The following OGFOD3 variants were observed in gnomAD, a reference collection of about 807,000 sequenced individuals.
The protein encoded by OGFOD3 is 2-oxoglutarate and iron-dependent oxygenase domain-containing protein 3.
OGFOD3 carries 35 observed loss-of-function variants against 39.8 expected under a neutral mutation model. The observed-to-expected ratio is 0.88, with a 90% CI of 0.67 to 1.17. The LOEUF is 1.17. OGFOD3 is among the 50% of genes most tolerant of loss of function. The pLI, the probability that OGFOD3 is intolerant of heterozygous loss-of-function variation, is 0.00. For synonymous variants in OGFOD3, 200 were observed against 192.0 expected, an observed-to-expected ratio of 1.04 and a Z score of -0.34; for missense variants, 438 against 454.5, an observed-to-expected ratio of 0.96 and a Z score of 0.33.
chr17:82,409,391 A>G lies in OGFOD3; in HGVS notation c.400T>C (p.Ser134Pro), dbSNP rs777774451. The change falls in exon 4 of 9, where the codon TCC becomes CCC. Residue 134 changes from serine to proline, a missense_variant. Physicochemically the swap from Ser to Pro is moderately conservative, Grantham distance 74. Transcript: ENST00000313056. ...ACCCCTCCGTCAGATCCTCCCAGGG[A>G]GAGCCCCTTTTCAGCTACGCTGCAG... ...RIRSVAEKGL[S>P]LGGSDGGASI... 6.2e-7 allele frequency: 1 copy of G among 1,614,124 alleles called. No individual in the cohort carries two copies. Among genetic ancestry groups the G allele is most frequent in the South Asian group, 1.1e-5 (1 of 91,080 alleles).
At position 82,418,391 on chromosome 17, in the gene OGFOD3, C is replaced by A. The variant is rs761598896; in HGVS notation, c.74+21G>T. 3.4e-5 allele frequency: 50 copies of A among 1,468,084 alleles called. No homozygotes were observed. In the South Asian group the frequency reaches 6.0e-4, roughly 17 times the overall value. 90.9% of individuals were successfully genotyped at this position (1,468,084 alleles called of 1,614,324 possible). On this transcript the variant is annotated intron_variant, in intron 1 of 8. Coordinates refer to ENST00000313056, the MANE Select transcript of OGFOD3 (RefSeq NM_024648.3). ...CCCTGTCCGCCGCCGCAGCGCGCGC[C>A]CTTCCCCTCCTCACCGCTACCTGCT...
chr17:82,405,904 C>T (rs545489930), intron 5 of OGFOD3, among the ~76,000 whole-genome samples: 30 of 152,036 alleles, frequency 2.0e-4, no homozygotes, highest in Admixed American at 3.9e-4. Context: ...GTCGAAATTG[C>T]GCCACTGCAC....
At chr17:82,408,434 G>C (rs1162734488) in intron 4 of OGFOD3, among the ~76,000 whole-genome samples, 1 of 152,224 alleles carries the variant, frequency 6.6e-6, no homozygotes, top group Non-Finnish European at 1.5e-5. Context: ...AGCTGCACCA[G>C]ACTGACTCCC....
At chr17:82,411,267 G>A (rs1044203088) in intron 3 of OGFOD3, among the ~76,000 whole-genome samples, 188 bp downstream of exon 3, 4 of 152,002 alleles carry the variant, frequency 2.6e-5, no homozygotes, top group East Asian at 1.9e-4. Context: ...GGCTGGTCTC[G>A]AACTCCTGAA....
intron 7 of OGFOD3, chr17:82,400,634 G>A (rs1255173860): frequency 2.6e-5 from 4 of 151,934 alleles, no homozygotes; most frequent in Non-Finnish European, 4.4e-5. Flanking sequence ...TTACTGGTTC[G>A]CCTTTATTTA....
intron 2 of OGFOD3, among the ~76,000 whole-genome samples, chr17:82,411,980 A>G (rs907685719): frequency 4.0e-5 from 6 of 149,398 alleles, no homozygotes; most frequent in East Asian, 2.0e-4. Context: ...CAGAGGGGGG[A>G]ACCCTCCTGA....
At chr17:82,407,269 A>G (rs952789656) in intron 4 of OGFOD3, among the ~76,000 whole-genome samples, 4 of 152,044 alleles carry the variant, frequency 2.6e-5, no homozygotes, top group Non-Finnish European at 5.9e-5. Flanking sequence ...CCATCTCAAA[A>G]AAAAAAAAAA....
intron 4 of OGFOD3, 69 bp downstream of exon 4, chr17:82,409,299 C>T (rs2052906478): frequency 1.1e-5 from 16 of 1,520,822 alleles, no homozygotes; most frequent in Non-Finnish European, 1.5e-5. Flanking sequence ...CTGTGCCTTC[C>T]CCTTCCCATC....
Position 82,392,467 on chromosome 17 carries a change from G to A in OGFOD3, c.891C>T (p.Thr297=). Residue 297 remains threonine, a synonymous_variant, in exon 9 of 9, where the codon ACC becomes ACT. Transcript: ENST00000313056. The surrounding 1 kb of genome is among the most constrained non-coding windows in gnomAD (Gnocchi z 4.2). ...LHRVEKVHWG[T]RYAITIAFSC... is the part of the protein sequence containing the mutation. ...TGAAGGCGATGGTGATGGCGTAACG[G>A]GTGCCCCAGTGGACCTTCTCCACGC... 6.2e-7 allele frequency: 1 copy of A among 1,611,740 alleles called. No individual in the cohort carries two copies. Among genetic ancestry groups the A allele is most frequent in the Non-Finnish European group, 8.5e-7 (1 of 1,179,198 alleles).
chr17:82,416,143 G>A (rs188053391), intron 1 of OGFOD3, among the ~76,000 whole-genome samples: 1 of 152,322 alleles, frequency 6.6e-6, no homozygotes, highest in African/African-American at 2.4e-5. Context: ...GGCTGAGGCA[G>A]GAGAATCATT....
intron 7 of OGFOD3, among the ~76,000 whole-genome samples, chr17:82,399,348 C>T (rs529871648): frequency 1.1e-4 from 16 of 152,292 alleles, no homozygotes; most frequent in African/African-American, 3.6e-4. Flanking sequence ...CTGGGATGGT[C>T]CCCCGGTGCC....
At chr17:82,407,253 G>A (rs1420788928) in intron 4 of OGFOD3, among the ~76,000 whole-genome samples, 4 of 147,124 alleles carry the variant, frequency 2.7e-5, no homozygotes, top group Non-Finnish European at 4.5e-5. Flanking sequence ...CTACAAGAGC[G>A]AAACTCCATC....
intron 1 of OGFOD3, among the ~76,000 whole-genome samples, chr17:82,416,271 A>C (rs1321729296): frequency 6.6e-6 from 1 of 152,210 alleles, no homozygotes; most frequent in Non-Finnish European, 1.5e-5. Context: ...AACACACACC[A>C]CTTTAATGTG....
intron 1 of OGFOD3, 23 bp downstream of exon 1, chr17:82,418,389 G>T (rs2053124372): frequency 6.9e-7 from 1 of 1,449,408 alleles, no homozygotes; most frequent in Non-Finnish European, 9.1e-7. Flanking sequence ...CGCAGCGCGC[G>T]CCCTTCCCCT....
intron 2 of OGFOD3, among the ~76,000 whole-genome samples, chr17:82,413,064 G>T (rs1256894602): frequency 6.6e-6 from 1 of 152,178 alleles, no homozygotes; most frequent in East Asian, 1.9e-4. Flanking sequence ...CAGGGAAGGG[G>T]GGCTGTAGTT....
intron 2 of OGFOD3, chr17:82,411,799 C>T (rs763987346): frequency 4.1e-6 from 2 of 483,682 alleles, no homozygotes; most frequent in Non-Finnish European, 7.4e-6. Flanking sequence ...CACAGAAACC[C>T]CAGACACGGC....
chr17:82,397,557 G>C (rs1389550800), intron 8 of OGFOD3, among the ~76,000 whole-genome samples: 1 of 152,136 alleles, frequency 6.6e-6, no homozygotes, highest in African/African-American at 2.4e-5. Flanking sequence ...CCTAACAGGG[G>C]TTCCCCACTC....
chr17:82,393,064 A>G (rs1358177478), intron 8 of OGFOD3: 1 of 153,150 alleles, frequency 6.5e-6, no homozygotes, highest in Non-Finnish European at 1.5e-5. Flanking sequence ...GGCAGCTTCC[A>G]CGGCAGTAAC....
intron 3 of OGFOD3, 144 bp from the exon 4 acceptor site, chr17:82,409,554 A>T: frequency 1.3e-6 from 1 of 746,830 alleles, no homozygotes; most frequent in Non-Finnish European, 2.3e-6. Flanking sequence ...GTTTAGACCA[A>T]AGGACTCAAC....
Sources: allele counts gnomAD v4.1 joint callset (sites outside exome capture counted in the v4.1 genomes callset), GRCh38; gene constraint gnomAD v4.1.1; non-coding constraint Gnocchi (gnomAD v3.1); transcripts MANE v1.5; gene names NCBI Gene and HGNC (gene_info 2026-07-23, HGNC 2026-07-21).